The following ANKS1A variants were observed in gnomAD, a reference collection of about 807,000 sequenced individuals.
ANKS1A encodes the protein ankyrin repeat and sterile alpha motif domain containing 1A.
In ANKS1A, 55 loss-of-function variants were observed where a neutral mutation model predicts 120.3. The ratio of observed to expected loss-of-function variants is 0.46; its 90% CI spans 0.37 to 0.57. The LOEUF is 0.57. ANKS1A is among the 20% of genes least tolerant of loss of function. ANKS1A has a pLI of 0.00. For synonymous variants in ANKS1A, 590 were observed against 604.7 expected, an observed-to-expected ratio of 0.98 and a Z score of 0.36; for missense variants, 1,123 against 1,480.3, an observed-to-expected ratio of 0.76 and a Z score of 3.96.
chr6:34,986,776 C>T (rs754018579), intron 8 of ANKS1A, among the ~76,000 whole-genome samples: 2 of 152,256 alleles, frequency 1.3e-5, no homozygotes, highest in Non-Finnish European at 2.9e-5. Flanking sequence ...GACAAAACTC[C>T]TTGTGAGCGG....
At chr6:34,894,774 T>A (rs569796722) in intron 1 of ANKS1A, among the ~76,000 whole-genome samples, 1 of 152,184 alleles carries the variant, frequency 6.6e-6, no homozygotes, top group Non-Finnish European at 1.5e-5. Context: ...GAAATGTACT[T>A]CTTAGGGTTC....
intron 11 of ANKS1A, among the ~76,000 whole-genome samples, chr6:35,049,516 C>T (rs1238884069): frequency 2.0e-5 from 3 of 152,124 alleles, no homozygotes; most frequent in African/African-American, 4.8e-5. Context: ...TCATCAGTGC[C>T]GAGTGGAAGA....
At chr6:34,935,987 G>A (rs1040145994) in intron 1 of ANKS1A, among the ~76,000 whole-genome samples, 11 of 148,658 alleles carry the variant, frequency 7.4e-5, no homozygotes, top group Admixed American at 2.0e-4. Flanking sequence ...GCGTGAACCC[G>A]GGAGGCGGAG....
At chr6:35,052,378 G>T (rs1776010015) in intron 11 of ANKS1A, among the ~76,000 whole-genome samples, 1 of 151,922 alleles carries the variant, frequency 6.6e-6, no homozygotes, top group African/African-American at 2.4e-5. Flanking sequence ...TTGGGCTCAG[G>T]AGGTCAAGGT....
intron 2 of ANKS1A, among the ~76,000 whole-genome samples, chr6:34,969,673 C>G: frequency 6.6e-6 from 1 of 152,208 alleles, no homozygotes; most frequent in East Asian, 1.9e-4. Flanking sequence ...GTAAATTCAA[C>G]ACTTGAATGC....
intron 11 of ANKS1A, among the ~76,000 whole-genome samples, chr6:35,027,364 G>A (rs2127566584): frequency 6.6e-6 from 1 of 152,300 alleles, no homozygotes; most frequent in South Asian, 2.1e-4. Context: ...CAACCAGTAA[G>A]AGAGGGAGAT....
intron 19 of ANKS1A, 22 bp downstream of exon 19, chr6:35,083,248 G>C (rs746983265): frequency 5.0e-6 from 8 of 1,613,928 alleles, no homozygotes; most frequent in Non-Finnish European, 6.8e-6. Context: ...GTGTGGGCTG[G>C]AGGGCGCTGT....
intron 1 of ANKS1A, among the ~76,000 whole-genome samples, chr6:34,915,271 T>A (rs898999245): frequency 6.6e-5 from 10 of 152,206 alleles, no homozygotes; most frequent in Non-Finnish European, 1.3e-4. Context: ...TACTCAGATA[T>A]CTGGCAAGTG....
rs1168960934 is a variant in ANKS1A at position 35,050,568 on chromosome 6, A to G, written c.2011-3531A>G. Among the ~76,000 whole-genome samples the G allele has an allele frequency of 6.6e-6, 1 of 152,138 alleles. No homozygotes were observed. The highest frequency in any genetic ancestry group is 1.5e-5 in the Non-Finnish European group (1 of 68,022). On this transcript the variant is annotated intron_variant, in intron 11 of 23. Coordinates refer to ENST00000360359, the MANE Select transcript of ANKS1A (RefSeq NM_015245.3). This position sits in a 1 kb window ranked among gnomAD's most constrained non-coding sequence, Gnocchi z 4.3. ...TGCATGAAGTGTATAGATCAGAATGATATCTGCTGTGTCTGAACGCTCTTC... is the reference window on the plus strand; with the variant it reads ...TGCATGAAGTGTATAGATCAGAATGGTATCTGCTGTGTCTGAACGCTCTTC...
At chr6:35,043,937 C>T (rs989506971) in intron 11 of ANKS1A, among the ~76,000 whole-genome samples, 3 of 152,214 alleles carry the variant, frequency 2.0e-5, no homozygotes, top group Non-Finnish European at 4.4e-5. Flanking sequence ...ACTTCCCTAA[C>T]CACCCTTAAT....
chr6:34,928,080 T>C (rs529038582), intron 1 of ANKS1A, among the ~76,000 whole-genome samples: 141 of 152,322 alleles, frequency 9.3e-4, no homozygotes, highest in Middle Eastern at 3.4e-3. Flanking sequence ...GCCAGCTCCC[T>C]CTGATCCTCT....
chr6:34,922,942 C>T (rs991363560), intron 1 of ANKS1A, among the ~76,000 whole-genome samples: 2 of 152,130 alleles, frequency 1.3e-5, no homozygotes. Flanking sequence ...CCGCCCCTCT[C>T]GGCCTCCCAA....
intron 1 of ANKS1A, among the ~76,000 whole-genome samples, chr6:34,936,109 G>A (rs1158986822): frequency 6.6e-6 from 1 of 151,860 alleles, no homozygotes; most frequent in Admixed American, 6.6e-5. Context: ...GTGAAGTGGT[G>A]GTGAGATTAG....
At position 35,044,370 on chromosome 6, in the gene ANKS1A, G is replaced by A. The variant is rs542982746; in HGVS notation, c.2011-9729G>A. Among the ~76,000 whole-genome samples, 14 of 152,364 alleles carry A rather than the reference G, an allele frequency of 9.2e-5. 1 individual carries two copies. In the South Asian group the frequency reaches 1.0e-3, roughly 11 times the overall value. On this transcript the variant is annotated intron_variant, in intron 11 of 23. Transcript: ENST00000360359. This position sits in a 1 kb window ranked among gnomAD's most constrained non-coding sequence, Gnocchi z 4.4. ...AAGAACAAGTTCCTTGCTCACAGCC[G>A]CGTTGCTGAAAGCGGCAAAGCTGAT...
Position 35,086,605 on chromosome 6 carries a change from A to G in ANKS1A, c.3304-347A>G, listed in dbSNP as rs1036339108. On this transcript the variant is annotated intron_variant, in intron 22 of 23. Coordinates refer to ENST00000360359, the MANE Select transcript of ANKS1A (RefSeq NM_015245.3). This position sits in a 1 kb window ranked among gnomAD's most constrained non-coding sequence, Gnocchi z 5.1. ...TTGGGGTGAGCTCTCTGGGCCTACC[A>G]GAGAGACCCGAGGCTGGACATTTGC... Among the ~76,000 whole-genome samples, 7 of 152,190 alleles carry G rather than the reference A, an allele frequency of 4.6e-5. No individual in the cohort carries two copies. Among genetic ancestry groups the G allele is most frequent in the East Asian group, 3.9e-4 (2 of 5,170 alleles).
intron 1 of ANKS1A, among the ~76,000 whole-genome samples, chr6:34,907,806 A>G (rs1391882637): frequency 6.6e-6 from 1 of 152,196 alleles, no homozygotes; most frequent in Non-Finnish European, 1.5e-5. Flanking sequence ...AGCTTTCTGA[A>G]TTGCTTTGCC....
chr6:34,927,115 A>T lies in ANKS1A; in HGVS notation c.197+37516A>T, dbSNP rs112574934. ...ACACTTTGAATGGTACCTGGTATAT[A>T]CAGAGTACTAAATCATATTACGTAA... On this transcript the variant is annotated intron_variant, in intron 1 of 23. Coordinates refer to ENST00000360359, the MANE Select transcript of ANKS1A (RefSeq NM_015245.3). 9.3e-4 allele frequency among the ~76,000 whole-genome samples: 141 copies of T among 152,272 alleles called. 1 individual carries two copies. The highest frequency in any genetic ancestry group is 2.9e-3 in the African/African-American group (119 of 41,554).
chr6:35,016,933 CT>C lies in ANKS1A; in HGVS notation c.1424-539del, dbSNP rs1561914692. On this transcript the variant is annotated intron_variant, in intron 10 of 23. Transcript: ENST00000360359. ...GAAGTTGCAGGTTGTGGATCATGAC[CT>C]CTTTTTTTTTTTTTTTTTTTTTTCT... 8.2e-5 allele frequency among the ~76,000 whole-genome samples: 9 copies of C among 110,180 alleles called. 1 individual carries two copies. The highest frequency in any genetic ancestry group is 1.1e-4 in the Admixed American group (1 of 8,970). 72.3% of individuals were successfully genotyped at this position (110,180 alleles called of 152,430 possible).
At chr6:34,892,231 A>G (rs1252424285) in intron 1 of ANKS1A, among the ~76,000 whole-genome samples, 1 of 152,214 alleles carries the variant, frequency 6.6e-6, no homozygotes, top group East Asian at 1.9e-4. Flanking sequence ...ATCTGGAGGC[A>G]CTAGTTACAC....
Sources: gnomAD v4.1 joint callset for allele counts (sites outside exome capture counted in the v4.1 genomes callset) on GRCh38, gnomAD v4.1.1 for gene constraint, Gnocchi (gnomAD v3.1) non-coding constraint, MANE v1.5 for transcripts, NCBI Gene and HGNC (gene_info 2026-07-23, HGNC 2026-07-21) for gene names.